Variants in ME1 observed in about 807,000 individuals in gnomAD.
The protein encoded by ME1 is NADP-dependent malic enzyme.
In ME1, 74 loss-of-function variants were observed where a neutral mutation model predicts 66.4. The observed-to-expected ratio is 1.11, with a 90% CI of 0.92 to 1.35. ME1 has a LOEUF of 1.35. ME1 is among the 40% of genes most tolerant of loss of function. ME1 has a pLI of 0.00. For synonymous variants in ME1, 251 were observed against 235.6 expected, an observed-to-expected ratio of 1.07 and a Z score of -0.60; for missense variants, 750 against 694.1, an observed-to-expected ratio of 1.08 and a Z score of -0.90.
At chr6:83,306,025 G>A (rs180691919) in intron 6 of ME1, among the ~76,000 whole-genome samples, 1 of 152,136 alleles carries the variant, frequency 6.6e-6, no homozygotes, top group East Asian at 1.9e-4. Flanking sequence ...AATTAAGGAT[G>A]GCAAGAAAAA....
chr6:83,217,703 TAGAC>T (rs1484752199), intron 12 of ME1, among the ~76,000 whole-genome samples: 1 of 152,098 alleles, frequency 6.6e-6, no homozygotes, highest in Non-Finnish European at 1.5e-5. Context: ...AGCCTGGAGT[TAGAC>T]AAACAGAAAG....
intron 6 of ME1, among the ~76,000 whole-genome samples, chr6:83,311,550 C>T (rs1163441891): frequency 6.6e-6 from 1 of 152,040 alleles, no homozygotes; most frequent in African/African-American, 2.4e-5. Flanking sequence ...TATATAGACA[C>T]ATGTAAAAGC....
At chr6:83,310,238 C>T (rs1419235683) in intron 6 of ME1, among the ~76,000 whole-genome samples, 1 of 152,122 alleles carries the variant, frequency 6.6e-6, no homozygotes, top group African/African-American at 2.4e-5. Flanking sequence ...CATCCACATC[C>T]AGTGACTAAT....
In ME1 at chr6:83,223,657, C is replaced by G. The variant is rs924217518; in HGVS notation, c.1449+103G>C. 2.1e-4 allele frequency: 238 copies of G among 1,127,382 alleles called. 1 individual carries two copies. Among genetic ancestry groups the G allele is most frequent in the Non-Finnish European group, 2.7e-4 (212 of 798,212 alleles). The allele number at this position is 1,127,382 out of a possible 1,614,324, so 69.8% of individuals were successfully genotyped here. On this transcript the variant is annotated intron_variant, in intron 12 of 13. Transcript: ENST00000369705. ...GAAGTTCTTCAGACTTTACTTCTTTCAGAGAGTAAGCTGAGATGCTAGATA... is the reference window on the plus strand; with the variant it reads ...GAAGTTCTTCAGACTTTACTTCTTTGAGAGAGTAAGCTGAGATGCTAGATA...
chr6:83,217,643 T>C (rs1229161822), intron 12 of ME1, among the ~76,000 whole-genome samples: 1 of 152,132 alleles, frequency 6.6e-6, no homozygotes, highest in Non-Finnish European at 1.5e-5. Context: ...GAAGAGCAGT[T>C]CTGGAAGGCC....
At chr6:83,353,448 G>A (rs1768836223) in intron 3 of ME1, among the ~76,000 whole-genome samples, 1 of 152,048 alleles carries the variant, frequency 6.6e-6, no homozygotes, top group Non-Finnish European at 1.5e-5. Context: ...CCAAGGATAC[G>A]GTTGATATAG....
intron 7 of ME1, among the ~76,000 whole-genome samples, chr6:83,247,427 T>C (rs1281783676): frequency 6.6e-6 from 1 of 152,076 alleles, no homozygotes; most frequent in Non-Finnish European, 1.5e-5. Flanking sequence ...TCAAAATCTA[T>C]ATTATTTAAG....
chr6:83,387,253 G>A (rs950062945), intron 3 of ME1, among the ~76,000 whole-genome samples: 3 of 152,036 alleles, frequency 2.0e-5, no homozygotes, highest in Non-Finnish European at 2.9e-5. Context: ...TATAAAGCAA[G>A]AACAATATGA....
At chr6:83,330,844 G>A (rs1768392959) in intron 5 of ME1, among the ~76,000 whole-genome samples, 1 of 152,060 alleles carries the variant, frequency 6.6e-6, no homozygotes, top group Middle Eastern at 3.2e-3. Context: ...AGAGGGTGGG[G>A]CAAAATGAGA....
At chr6:83,404,548 C>T (rs7740573) in intron 2 of ME1, among the ~76,000 whole-genome samples, 72,269 of 151,994 alleles carry the variant, frequency 0.48, 19,283 homozygotes, top group African/African-American at 0.72. Flanking sequence ...TTTGTTGCCA[C>T]TGCTTTTGGT....
intron 6 of ME1, among the ~76,000 whole-genome samples, chr6:83,262,684 A>G (rs925208924): frequency 2.6e-5 from 4 of 152,214 alleles, no homozygotes; most frequent in Non-Finnish European, 5.9e-5. Context: ...GTCCTCAGAG[A>G]TGATTTAGCA....
chr6:83,390,819 T>C (rs1769605936), intron 3 of ME1, among the ~76,000 whole-genome samples: 2 of 152,094 alleles, frequency 1.3e-5, no homozygotes, highest in South Asian at 4.2e-4. Context: ...TTCCTACCTC[T>C]ACCCTCTTCC....
chr6:83,313,966 A>C (rs1185079318), intron 6 of ME1, among the ~76,000 whole-genome samples: 1 of 152,180 alleles, frequency 6.6e-6, no homozygotes, highest in Non-Finnish European at 1.5e-5. Context: ...GTTGGATAAA[A>C]CTTCTTAAAA....
intron 5 of ME1, among the ~76,000 whole-genome samples, chr6:83,325,950 A>G (rs1215370780): frequency 6.7e-6 from 1 of 148,362 alleles, no homozygotes; most frequent in Non-Finnish European, 1.5e-5. Flanking sequence ...GAAGCAAACA[A>G]AAAAAAAAAA....
At chr6:83,302,443 C>T (rs1456919237) in intron 6 of ME1, among the ~76,000 whole-genome samples, 3 of 151,944 alleles carry the variant, frequency 2.0e-5, no homozygotes, top group Non-Finnish European at 4.4e-5. Context: ...CACATGTACT[C>T]CTGAACTTAA....
intron 5 of ME1, among the ~76,000 whole-genome samples, chr6:83,341,399 C>G (rs1262729743): frequency 6.6e-6 from 1 of 152,102 alleles, no homozygotes; most frequent in Admixed American, 6.5e-5. Flanking sequence ...AGCAAATTAT[C>G]AAGCCTGAAG....
At chr6:83,301,953 C>T (rs1767728404) in intron 6 of ME1, among the ~76,000 whole-genome samples, 1 of 151,988 alleles carries the variant, frequency 6.6e-6, no homozygotes, top group African/African-American at 2.4e-5. Flanking sequence ...TGTGTATGTA[C>T]CCAAAAGAAT....
At chr6:83,243,400 TA>T (rs1562457370) in intron 7 of ME1, among the ~76,000 whole-genome samples, 104 of 60,592 alleles carry the variant, frequency 1.7e-3, no homozygotes, top group African/African-American at 7.0e-3. Flanking sequence ...ATTTATATAA[TA>T]TATTATATAA....
Position 83,417,008 on chromosome 6 carries a change from T to C in ME1, c.79-9107A>G, listed in dbSNP as rs1266448780. Among the ~76,000 whole-genome samples the C allele has an allele frequency of 2.0e-5, 3 of 152,212 alleles. No individual in the cohort carries two copies. In the East Asian group the frequency reaches 5.8e-4, roughly 29 times the overall value. On this transcript the variant is annotated intron_variant, in intron 1 of 13. Transcript: ENST00000369705. ...CTGGAAATAACATTCATGTTCTTCA[T>C]TACTTTGAAATTACTGTAGCTTTAG... is the stretch of plus-strand genomic sequence containing the variant.
Sources: allele counts gnomAD v4.1 joint callset (sites outside exome capture counted in the v4.1 genomes callset), GRCh38; gene constraint gnomAD v4.1.1; transcripts MANE v1.5; gene names NCBI Gene and HGNC (gene_info 2026-07-23, HGNC 2026-07-21).